KL: variants seen among roughly 807,000 people sequenced by gnomAD.
KL encodes the protein alpha-klotho.
A neutral mutation model predicts 84.2 loss-of-function variants in KL; 62 were observed. The ratio of observed to expected loss-of-function variants is 0.74; its 90% CI spans 0.60 to 0.91. The LOEUF (loss-of-function observed/expected upper bound fraction) is 0.91. Ranked by LOEUF, KL falls within the 40% of genes least tolerant of loss-of-function variation. KL has a pLI of 0.00. For missense variants in KL, 1,261 were observed against 1,305.7 expected, an observed-to-expected ratio of 0.97 and a Z score of 0.53; for synonymous variants, 528 against 528.0, an observed-to-expected ratio of 1.00 and a Z score of 0.00.
At position 33,064,025 on chromosome 13, in the gene KL, G is replaced by A. The variant is rs1872314631; in HGVS notation, c.2878G>A (p.Glu960Lys). Residue 960 changes from glutamate (E) to lysine (K), a missense_variant, in exon 5 of 5, where the codon GAA (glutamate) becomes AAA (lysine). Glu to Lys is a moderately conservative substitution (Grantham distance 56). Coordinates refer to ENST00000380099, the MANE Select transcript of KL (RefSeq NM_004795.4). ...SNGFPGPETLERFCPEEFTVC... is the reference protein window; with the variant it reads ...SNGFPGPETLKRFCPEEFTVC... ...TGGTTTCCCGGGCCCAGAAACTCTG[G>A]AAAGATTTTGTCCAGAAGAATTCAC... 1 of 1,614,186 alleles carries A rather than the reference G, an allele frequency of 6.2e-7. No homozygotes were observed. Among genetic ancestry groups the A allele is most frequent in the Non-Finnish European group, 8.5e-7 (1 of 1,180,036 alleles).
At chr13:33,049,325 T>C (rs1871657440) in intron 1 of KL, among the ~76,000 whole-genome samples, 1 of 152,210 alleles carries the variant, frequency 6.6e-6, no homozygotes, top group African/African-American at 2.4e-5. Context: ...TTCATTCCTC[T>C]AGATCTGTTT....
At chr13:33,051,980 C>T (rs930674311) in intron 1 of KL, among the ~76,000 whole-genome samples, 6 of 152,162 alleles carry the variant, frequency 3.9e-5, no homozygotes, top group Non-Finnish European at 8.8e-5. Flanking sequence ...TTTTGTGAGA[C>T]ATATCTTTCT....
At chr13:33,032,517 C>T (rs1489261410) in intron 1 of KL, among the ~76,000 whole-genome samples, 5 of 152,170 alleles carry the variant, frequency 3.3e-5, no homozygotes, top group South Asian at 2.1e-4. Flanking sequence ...AGCCTCTGTA[C>T]ATGGAAACTA....
upstream of KL, chr13:33,016,346 G>T: frequency 1.3e-5 from 2 of 152,192 alleles, no homozygotes; most frequent in South Asian, 3.7e-4. Context: ...GCCGGGGAGC[G>T]GGGGTGGGCG....
rs755364553 is a variant in KL, at chr13:33,061,647, G to A, written c.2568G>A (p.Leu856=). Reference sequence around the variant, plus strand: ...TGCCCTGGGGGTTGCGCAAAGTGCTGAACTGGCTGAAGTTCAAGTACGGAG... The same window carrying A: ...TGCCCTGGGGGTTGCGCAAAGTGCTAAACTGGCTGAAGTTCAAGTACGGAG... The part of the protein sequence containing the change: ...AVVPWGLRKV[L]NWLKFKYGDL... Residue 856 remains leucine (L), a synonymous_variant, in exon 4 of 5, where the codon CTG becomes CTA. Coordinates refer to ENST00000380099, the MANE Select transcript of KL (RefSeq NM_004795.4). 1 of 1,614,202 alleles carries A rather than the reference G, an allele frequency of 6.2e-7. No homozygotes were observed. The highest frequency in any genetic ancestry group is 8.5e-7 in the Non-Finnish European group (1 of 1,180,036).
chr13:33,021,661 T>C lies in KL; in HGVS notation c.819+4402T>C, dbSNP rs894054423. Among the ~76,000 whole-genome samples the C allele has an allele frequency of 2.6e-5, 4 of 152,148 alleles. 1 individual carries two copies. The highest frequency in any genetic ancestry group is 2.6e-4 in the Admixed American group (4 of 15,282). On this transcript the variant is annotated intron_variant, in intron 1 of 4. Coordinates refer to ENST00000380099, the MANE Select transcript of KL (RefSeq NM_004795.4). ...ACTTTGGGAGGCTGAGGCGGGTGGATCACCTGAGATCAGGAGTTTGAGAAC... is the reference window on the plus strand; with the variant it reads ...ACTTTGGGAGGCTGAGGCGGGTGGACCACCTGAGATCAGGAGTTTGAGAAC...
rs185300485 is a variant in KL, at chr13:33,060,579, T to A, written c.1600-100T>A. 5.3e-6 allele frequency: 7 copies of A among 1,326,358 alleles called. No homozygotes were observed. The South Asian group carries it at 6.0e-5, about 11-fold the overall frequency. The allele number at this position is 1,326,358 out of a possible 1,614,324, so 82.2% of individuals were successfully genotyped here. On this transcript the variant is annotated intron_variant, in intron 3 of 4. Transcript: ENST00000380099. ...ACATTCTCAGCTAGAAAGGCTTCTA[T>A]TTTTGCTCATATTCCTGGCTAGTTT...
At chr13:33,061,875 C>A in intron 4 of KL, 95 bp downstream of exon 4, 1 of 1,291,950 alleles carries the variant, frequency 7.7e-7, no homozygotes, top group Non-Finnish European at 1.1e-6. Context: ...CACTGCCACC[C>A]TTGGAATGGA....
chr13:33,029,605 A>G (rs997204323), intron 1 of KL, among the ~76,000 whole-genome samples: 8 of 152,170 alleles, frequency 5.3e-5, no homozygotes, highest in Admixed American at 6.6e-5. Context: ...TACAGCTATA[A>G]GAGTAGCTGA....
At chr13:33,020,138 T>G (rs1404364660) in intron 1 of KL, among the ~76,000 whole-genome samples, 1 of 152,202 alleles carries the variant, frequency 6.6e-6, no homozygotes, top group Non-Finnish European at 1.5e-5. Context: ...TGAAAAAGAC[T>G]TCTTTCACGT....
chr13:33,061,782 T>TA lies in KL; in HGVS notation c.2701+4dup. The TA allele has an allele frequency of 6.2e-7, 1 of 1,612,678 alleles. No homozygotes were observed. The highest frequency in any genetic ancestry group is 8.5e-7 in the Non-Finnish European group (1 of 1,179,976). On this transcript the variant is annotated splice_region_variant and intron_variant, in intron 4 of 4. Coordinates refer to ENST00000380099, the MANE Select transcript of KL (RefSeq NM_004795.4). ...ATTACATAAACGAAGCTCTCAAAGG[T>TA]AAGGAGCCCTAGCTGCGGCTATCTC...
intron 1 of KL, among the ~76,000 whole-genome samples, chr13:33,030,482 G>A (rs1016264861): frequency 9.9e-5 from 15 of 151,940 alleles, no homozygotes; most frequent in African/African-American, 3.1e-4. Context: ...TTCTTCAAGC[G>A]CCTTATTTTC....
chr13:33,016,304 C>G (rs1378218711), upstream of KL: 1 of 151,692 alleles, frequency 6.6e-6, no homozygotes, highest in Non-Finnish European at 1.5e-5. Context: ...GAGGCAGTCC[C>G]GGCTCGCAGG....
At chr13:33,035,581 A>G (rs968065395) in intron 1 of KL, among the ~76,000 whole-genome samples, 4 of 152,094 alleles carry the variant, frequency 2.6e-5, no homozygotes, top group African/African-American at 9.7e-5. Context: ...TGAGTTCCTT[A>G]TCTTCTTGTC....
At chr13:33,026,562 G>A (rs1403746274) in intron 1 of KL, among the ~76,000 whole-genome samples, 1 of 152,124 alleles carries the variant, frequency 6.6e-6, no homozygotes, top group Non-Finnish European at 1.5e-5. Flanking sequence ...TGTACAAGGG[G>A]TCATCACTTT....
chr13:33,034,690 A>T (rs894118887), intron 1 of KL, among the ~76,000 whole-genome samples: 1 of 152,214 alleles, frequency 6.6e-6, no homozygotes, highest in African/African-American at 2.4e-5. Context: ...TCCTCCTGCT[A>T]AAATGGAATC....
chr13:33,048,612 A>G (rs1164705980), intron 1 of KL, among the ~76,000 whole-genome samples: 2 of 149,412 alleles, frequency 1.3e-5, no homozygotes, highest in East Asian at 2.0e-4. Context: ...CAGTACGTTG[A>G]CCTGCTTCAG....
At chr13:33,043,439 C>G (rs914531311) in intron 1 of KL, among the ~76,000 whole-genome samples, 3 of 152,112 alleles carry the variant, frequency 2.0e-5, no homozygotes, top group Non-Finnish European at 4.4e-5. Context: ...AAGTTGGTCT[C>G]GAACTCCTGG....
At chr13:33,054,902 T>C (rs1462379874) in intron 2 of KL, 145 bp from the exon 3 acceptor site, 4 of 1,056,866 alleles carry the variant, frequency 3.8e-6, no homozygotes, top group Non-Finnish European at 5.6e-6. Context: ...TTAGAGTCTT[T>C]CGTCAAGAAG....
Sources: gnomAD v4.1 joint callset for allele counts (sites outside exome capture counted in the v4.1 genomes callset) on GRCh38, gnomAD v4.1.1 for gene constraint, MANE v1.5 for transcripts, NCBI Gene and HGNC (gene_info 2026-07-23, HGNC 2026-07-21) for gene names.